Variants in PCDH9 observed in about 807,000 individuals in gnomAD.
PCDH9 encodes protocadherin 9.
A neutral mutation model predicts 70.6 loss-of-function variants in PCDH9; 24 were observed. The ratio of observed to expected loss-of-function variants is 0.34; its 90% CI spans 0.25 to 0.48. The LOEUF is 0.48. Among genes scored for constraint, PCDH9 ranks in the 20% least tolerant of loss-of-function variants. The pLI is 0.99. For missense variants in PCDH9, 1,281 were observed against 1,503.6 expected (o/e 0.85, Z 2.45); for synonymous variants, 562 against 558.5 (o/e 1.01, Z -0.09).
At chr13:66,668,177 G>C (rs2078122480) in intron 3 of PCDH9, among the ~76,000 whole-genome samples, 1 of 152,138 alleles carries the variant, frequency 6.6e-6, no homozygotes, top group Non-Finnish European at 1.5e-5. Flanking sequence ...AGATTCATGT[G>C]ATCATTTTTC....
At chr13:66,422,095 G>A (rs771843237) in intron 4 of PCDH9, among the ~76,000 whole-genome samples, 2 of 151,898 alleles carry the variant, frequency 1.3e-5, no homozygotes, top group Non-Finnish European at 2.9e-5. Context: ...AGGGATCAAT[G>A]CAACAAGAAC....
intron 2 of PCDH9, among the ~76,000 whole-genome samples, chr13:66,909,623 G>T (rs553230367): frequency 4.6e-5 from 7 of 152,024 alleles, no homozygotes; most frequent in Non-Finnish European, 1.0e-4. Context: ...CAAAAAATTA[G>T]CCGGGCGTGG....
At chr13:66,624,231 A>C (rs918149599) in intron 4 of PCDH9, among the ~76,000 whole-genome samples, 24 of 152,362 alleles carry the variant, frequency 1.6e-4, no homozygotes, top group African/African-American at 5.5e-4. Flanking sequence ...TGTTTAAAAA[A>C]TAAGAATCCT....
At chr13:66,689,001 A>G (rs1006552841) in intron 3 of PCDH9, among the ~76,000 whole-genome samples, 1 of 152,156 alleles carries the variant, frequency 6.6e-6, no homozygotes, top group Non-Finnish European at 1.5e-5. Context: ...GTAATGTTGC[A>G]TTGAAGACCA....
intron 3 of PCDH9, among the ~76,000 whole-genome samples, chr13:66,730,887 G>GTTTTTTTT (rs1303010293): frequency 3.3e-5 from 2 of 60,772 alleles, no homozygotes; most frequent in African/African-American, 1.2e-4. Context: ...TTTTTTTTTT[G>GTTTTTTTT]TTTGTTTCTT....
intron 2 of PCDH9, among the ~76,000 whole-genome samples, chr13:67,092,526 A>G (rs2086238190): frequency 6.6e-6 from 1 of 152,156 alleles, no homozygotes; most frequent in Non-Finnish European, 1.5e-5. Context: ...CTCATTTTCA[A>G]GGGCCCATTG....
chr13:66,382,854 A>C (rs1222398772), intron 4 of PCDH9, among the ~76,000 whole-genome samples: 1 of 152,128 alleles, frequency 6.6e-6, no homozygotes, highest in Non-Finnish European at 1.5e-5. Flanking sequence ...AACATGGTGA[A>C]ACTCTGTCAC....
intron 2 of PCDH9, among the ~76,000 whole-genome samples, chr13:67,017,192 A>G (rs2084580692): frequency 6.6e-6 from 1 of 152,252 alleles, no homozygotes; most frequent in Non-Finnish European, 1.5e-5. Flanking sequence ...TTAGGGCAGA[A>G]GTTGAACAGA....
At chr13:66,861,953 C>A (rs1309202283) in intron 3 of PCDH9, among the ~76,000 whole-genome samples, 1 of 152,048 alleles carries the variant, frequency 6.6e-6, no homozygotes, top group Non-Finnish European at 1.5e-5. Context: ...CTCTTGCAAT[C>A]CCAATTTTAT....
At chr13:66,932,960 T>G (rs1397212415) in intron 2 of PCDH9, among the ~76,000 whole-genome samples, 2 of 151,454 alleles carry the variant, frequency 1.3e-5, no homozygotes, top group Admixed American at 6.6e-5. Context: ...TGTTAATATA[T>G]AGTTAAGATA....
At chr13:66,905,379 T>C (rs1254762331) in intron 2 of PCDH9, among the ~76,000 whole-genome samples, 2 of 152,098 alleles carry the variant, frequency 1.3e-5, no homozygotes, top group African/African-American at 4.8e-5. Flanking sequence ...CAGCAGTGAG[T>C]CTCACCCTGA....
intron 3 of PCDH9, among the ~76,000 whole-genome samples, chr13:66,652,166 G>A (rs951246920): frequency 2.0e-5 from 3 of 151,900 alleles, no homozygotes; most frequent in African/African-American, 7.3e-5. Context: ...AATTACACAA[G>A]AGAAATAAAT....
chr13:66,492,203 T>A lies in PCDH9; in HGVS notation c.3340+139007A>T, dbSNP rs184702780. Among the ~76,000 whole-genome samples, 618 of 152,242 alleles carry A rather than the reference T, an allele frequency of 4.1e-3. 3 individuals are homozygous for A. The highest frequency in any genetic ancestry group is 5.7e-3 in the Non-Finnish European group (388 of 67,998). On this transcript the variant is annotated intron_variant, in intron 4 of 4. Transcript: ENST00000377865. ...TTATAGTTGTTGTGATTTGTTGTGA[T>A]TGACACAATCAAAGTTTAAAAGATT...
rs76612483 is a variant in PCDH9 at position 66,772,596 on chromosome 13, C to T, written c.3138+130908G>A. On this transcript the variant is annotated intron_variant, in intron 3 of 4. Transcript: ENST00000377865. ...TTCTATATTTTATACCACATAAACT[C>T]ATACATAAATAACCCATAACATGGT... 5.7e-3 allele frequency among the ~76,000 whole-genome samples: 861 copies of T among 152,022 alleles called. 8 individuals are homozygous for T. Among genetic ancestry groups the T allele is most frequent in the African/African-American group, 0.02 (822 of 41,472 alleles).
At chr13:66,734,024 T>TAGC (rs2079111449) in intron 3 of PCDH9, among the ~76,000 whole-genome samples, 3 of 152,288 alleles carry the variant, frequency 2.0e-5, no homozygotes, top group Non-Finnish European at 2.9e-5. Flanking sequence ...GGTCAGGGGC[T>TAGC]GGCCACTCTG....
At chr13:66,805,574 T>C (rs2080396705) in intron 3 of PCDH9, among the ~76,000 whole-genome samples, 1 of 152,190 alleles carries the variant, frequency 6.6e-6, no homozygotes, top group South Asian at 2.1e-4. Flanking sequence ...TCAGGTTCAC[T>C]GACGTTAAAT....
intron 4 of PCDH9, among the ~76,000 whole-genome samples, chr13:66,379,879 AC>A (rs1341288830): frequency 6.6e-6 from 1 of 152,220 alleles, no homozygotes; most frequent in African/African-American, 2.4e-5. Flanking sequence ...TTTAAAAAAA[AC>A]AAAAAAAGCA....
At chr13:66,683,198 T>C (rs1230857016) in intron 3 of PCDH9, among the ~76,000 whole-genome samples, 5 of 152,008 alleles carry the variant, frequency 3.3e-5, no homozygotes, top group Non-Finnish European at 2.9e-5. Flanking sequence ...CCCATTCATC[T>C]TTTTTTTCCT....
chr13:66,677,756 T>C (rs926423274), intron 3 of PCDH9, among the ~76,000 whole-genome samples: 7 of 152,128 alleles, frequency 4.6e-5, no homozygotes, highest in Non-Finnish European at 2.9e-5. Flanking sequence ...GCCAGCACCA[T>C]GATTCCTCGA....
Sources: gnomAD v4.1 joint callset for allele counts (sites outside exome capture counted in the v4.1 genomes callset) on GRCh38, gnomAD v4.1.1 for gene constraint, MANE v1.5 for transcripts, NCBI Gene and HGNC (gene_info 2026-07-23, HGNC 2026-07-21) for gene names.